The following NFATC4 variants were observed in gnomAD, a reference collection of about 807,000 sequenced individuals.
NFATC4 encodes nuclear factor of activated T-cells, cytoplasmic 4.
A neutral mutation model predicts 73.4 loss-of-function variants in NFATC4; 25 were observed. The ratio of observed to expected loss-of-function variants is 0.34; its 90% CI spans 0.25 to 0.48. The LOEUF (loss-of-function observed/expected upper bound fraction) is 0.48, where lower values mean the gene tolerates loss of function less well. Ranked by LOEUF, NFATC4 falls within the 20% of genes least tolerant of loss-of-function variation. NFATC4 has a pLI of 0.99. For missense variants in NFATC4, 1,130 were observed against 1,203.7 expected (o/e 0.94, Z 0.91); for synonymous variants, 523 against 510.3 (o/e 1.02, Z -0.34).
In NFATC4 at chr14:24,369,788, G is replaced by A; in HGVS notation, c.390G>A (p.Ala130=). 1 of 1,596,162 alleles carries A rather than the reference G, an allele frequency of 6.3e-7. No homozygotes were observed. The highest frequency in any genetic ancestry group is 2.3e-5 in the East Asian group (1 of 43,920). The change falls in exon 2 of 10, where the codon GCG becomes GCA. Residue 130 remains alanine (A), a synonymous_variant. Transcript: ENST00000250373. ...CTCCCACGCCGGAGCCGCCAGCAGCGCTGGAGGACAACCCTGATGCCTGGG... is the reference window on the plus strand; with the variant it reads ...CTCCCACGCCGGAGCCGCCAGCAGCACTGGAGGACAACCCTGATGCCTGGG... The part of the protein sequence containing the change: ...SISPTPEPPA[A]LEDNPDAWGD...
Position 24,370,141 on chromosome 14 carries a change from T to C in NFATC4, c.743T>C (p.Leu248Pro). 3 of 1,603,664 alleles carry C rather than the reference T, an allele frequency of 1.9e-6. No individual in the cohort carries two copies. Among genetic ancestry groups the C allele is most frequent in the Non-Finnish European group, 2.5e-6 (3 of 1,179,704 alleles). The change falls in exon 2 of 10, where the codon CTA becomes CCA. Residue 248 changes from leucine (L) to proline (P), a missense_variant. Leu to Pro is a moderately conservative substitution (Grantham distance 98). Coordinates refer to ENST00000250373, the MANE Select transcript of NFATC4 (RefSeq NM_004554.5). Reference protein sequence around the residue: ...PGGRGPEDSWLLLSAPGPTPA... With the variant: ...PGGRGPEDSWPLLSAPGPTPA... The stretch of plus-strand genomic sequence containing the variant: ...GGCCGAGGGCCAGAGGATAGCTGGC[T>C]ACTCCTCAGTGCTCCTGGGCCCACC...
At chr14:24,372,706 T>G (rs1185114664) in intron 3 of NFATC4, 103 bp downstream of exon 3, 20 of 1,461,352 alleles carry the variant, frequency 1.4e-5, no homozygotes, top group Non-Finnish European at 1.9e-5. Context: ...CTCTCAGCTC[T>G]GACCCTGCAG....
Position 24,376,731 on chromosome 14 carries a change from G to A in NFATC4, c.2494G>A (p.Val832Met), listed in dbSNP as rs1470171425. ...AGGCCCCTTCCCTTCCCAGAGTGAT[G>A]TGCATCCCCTACCTGCTGAGGGATA... ...LEGPFPSQSD[V>M]HPLPAEGYNK... The change falls in exon 9 of 10, where the codon GTG becomes ATG. Residue 832 changes from valine (V) to methionine (M), a missense_variant. Coordinates refer to ENST00000250373, the MANE Select transcript of NFATC4 (RefSeq NM_004554.5). The surrounding 1 kb of genome is among the most constrained non-coding windows in gnomAD (Gnocchi z 5.0). 1 of 1,613,864 alleles carries A rather than the reference G, an allele frequency of 6.2e-7. No individual in the cohort carries two copies. The highest frequency in any genetic ancestry group is 8.5e-7 in the Non-Finnish European group (1 of 1,179,992).
At position 24,376,612 on chromosome 14, in the gene NFATC4, A is replaced by G; in HGVS notation, c.2375A>G (p.Tyr792Cys). 2 of 1,613,676 alleles carry G rather than the reference A, an allele frequency of 1.2e-6. No individual in the cohort carries two copies. Among genetic ancestry groups the G allele is most frequent in the Non-Finnish European group, 1.7e-6 (2 of 1,179,870 alleles). The change falls in exon 9 of 10, where the codon TAT becomes TGT. Residue 792 changes from tyrosine to cysteine, a missense_variant. Tyr to Cys is a radical substitution (Grantham distance 194). Transcript: ENST00000250373. This position sits in a 1 kb window ranked among gnomAD's most constrained non-coding sequence, Gnocchi z 5.0. ...FLPRPFPSDP[Y>C]GGRGSSFSLG... is the part of the protein sequence containing the mutation. The stretch of plus-strand genomic sequence containing the variant: ...CCCCGCCCCTTCCCTAGTGACCCGT[A>G]TGGAGGGCGGGGCTCCTCTTTCTCC...
At position 24,373,635 on chromosome 14, in the gene NFATC4, G is replaced by T; in HGVS notation, c.1560-60G>T. ...TGGAGGGCGGGAACTTCCCTCTTTAGGGATGTATCACCATTTTGGCTTCAG... is the reference window on the plus strand; with the variant it reads ...TGGAGGGCGGGAACTTCCCTCTTTATGGATGTATCACCATTTTGGCTTCAG... On this transcript the variant is annotated intron_variant, in intron 4 of 9. Transcript: ENST00000250373. The surrounding 1 kb of genome is among the most constrained non-coding windows in gnomAD (Gnocchi z 4.7). The T allele has an allele frequency of 1.3e-6, 2 of 1,563,982 alleles. No homozygotes were observed. Among genetic ancestry groups the T allele is most frequent in the Middle Eastern group, 1.8e-4 (1 of 5,656 alleles).
In NFATC4 at chr14:24,377,778, G is replaced by A. The variant is rs2042667962; in HGVS notation, c.*73G>A. On this transcript the variant is annotated 3_prime_UTR_variant, in exon 10 of 10. Transcript: ENST00000250373. The surrounding 1 kb of genome is among the most constrained non-coding windows in gnomAD (Gnocchi z 4.2). Reference sequence around the variant, plus strand: ...CTGCCCCCTTTCCCTCCTTCCTGGAGTGGTGGCTACAGAAGCTTGGGGCCA... The same window carrying A: ...CTGCCCCCTTTCCCTCCTTCCTGGAATGGTGGCTACAGAAGCTTGGGGCCA... The A allele has an allele frequency of 1.9e-6, 3 of 1,611,428 alleles. No individual in the cohort carries two copies. The highest frequency in any genetic ancestry group is 2.2e-5 in the East Asian group (1 of 44,838).
At chr14:24,369,098 CTGGGGCTCCTGCCAGCGCCGTT>C in intron 1 of NFATC4, 2 of 1,424,650 alleles carry the variant, frequency 1.4e-6, no homozygotes, top group Non-Finnish European at 1.8e-6. Context: ...GCGATGGCAA[CTGGGGCTCCTGCCAGCGCCGTT>C]TGGGGGTTTG....
chr14:24,374,355 G>C lies in NFATC4; in HGVS notation c.1762G>C (p.Val588Leu). 2 of 1,613,636 alleles carry C rather than the reference G, an allele frequency of 1.2e-6. No homozygotes were observed. The highest frequency in any genetic ancestry group is 1.7e-6 in the Non-Finnish European group (2 of 1,179,848). ...SQRSAQELPQ[V>L]EAYSPSACSV... ...GCGCTCAGCCCAGGAGCTGCCCCAGGTGGAGGCCTACAGCCCCAGTGCCTG... is the reference window on the plus strand; with the variant it reads ...GCGCTCAGCCCAGGAGCTGCCCCAGCTGGAGGCCTACAGCCCCAGTGCCTG... Residue 588 changes from valine (V) to leucine (L), a missense_variant, in exon 6 of 10, where the codon GTG (valine) becomes CTG (leucine). This residue lies in a region of NFATC4 where 390 missense variants were observed against 408.1 expected (regional missense o/e 0.96). Coordinates refer to ENST00000250373, the MANE Select transcript of NFATC4 (RefSeq NM_004554.5).
chr14:24,366,931 C>A (rs551184328), upstream of NFATC4: 47 of 1,533,716 alleles, frequency 3.1e-5, no homozygotes, highest in Middle Eastern at 2.2e-4. Context: ...GACCTGGGGC[C>A]GTCGCTTAAC....
intron 2 of NFATC4, 144 bp downstream of exon 2, chr14:24,370,738 A>C: frequency 8.5e-7 from 1 of 1,171,744 alleles, no homozygotes; most frequent in Non-Finnish European, 1.2e-6. Flanking sequence ...GCTGCCAACT[A>C]CCTGGTTTTA....
chr14:24,374,142 C>T (rs113259023), intron 5 of NFATC4, 184 bp from the exon 6 acceptor site: 9 of 921,856 alleles, frequency 9.8e-6, no homozygotes, highest in African/African-American at 4.9e-5. Flanking sequence ...CCTCTCTCTG[C>T]TCTGGGAGCG....
At chr14:24,367,886 G>A (rs561552956), upstream of NFATC4, 10 of 1,335,482 alleles carry the variant, frequency 7.5e-6, no homozygotes, top group South Asian at 1.7e-4. Flanking sequence ...ACCTTGAACT[G>A]AGACTAGGGG....
chr14:24,367,871 C>A (rs140413698), upstream of NFATC4: 33 of 1,352,086 alleles, frequency 2.4e-5, no homozygotes, highest in African/African-American at 4.5e-4. Flanking sequence ...GCTCTCGGAC[C>A]CAGAACCTTG....
At chr14:24,367,420 G>A (rs916363727), upstream of NFATC4, 4 of 1,535,534 alleles carry the variant, frequency 2.6e-6, no homozygotes, top group Non-Finnish European at 2.6e-6. Context: ...GCTAATTCAC[G>A]GCCCCTCTGG....
upstream of NFATC4, chr14:24,367,952 C>A: frequency 8.4e-7 from 1 of 1,189,062 alleles, no homozygotes; most frequent in Non-Finnish European, 1.0e-6. Context: ...GACCAATAGG[C>A]AACATTAGTA....
rs1289987072 is a variant in NFATC4 at position 24,368,242 on chromosome 14, A to G, written c.-99A>G. The G allele has an allele frequency of 1.1e-5, 14 of 1,326,532 alleles. No homozygotes were observed. The highest frequency in any genetic ancestry group is 1.5e-5 in the African/African-American group (1 of 64,640). The allele number at this position is 1,326,532 out of a possible 1,614,324, so 82.2% of individuals were successfully genotyped here. On this transcript the variant is annotated 5_prime_UTR_variant, in exon 1 of 10. Coordinates refer to ENST00000250373, the MANE Select transcript of NFATC4 (RefSeq NM_004554.5). Reference sequence around the variant, plus strand: ...GCAGCGACGGAGGAGGGGGCTTCTCAGAGAAAGGGAGGGAGGGAGCCACCC... The same window carrying G: ...GCAGCGACGGAGGAGGGGGCTTCTCGGAGAAAGGGAGGGAGGGAGCCACCC...
chr14:24,369,065 C>G, intron 1 of NFATC4: 1 of 1,404,420 alleles, frequency 7.1e-7, no homozygotes, highest in Non-Finnish European at 9.3e-7. Flanking sequence ...GCCCTGACGC[C>G]CCCCTCCCCT....
rs765459278 is a variant in NFATC4 at position 24,372,458 on chromosome 14, C to A, written c.1214C>A (p.Pro405Gln). 1 of 1,613,758 alleles carries A rather than the reference C, an allele frequency of 6.2e-7. No individual in the cohort carries two copies. The highest frequency in any genetic ancestry group is 8.5e-7 in the Non-Finnish European group (1 of 1,180,034). Reference sequence around the variant, plus strand: ...CCACCCAGGACCTCTGCCCTACCCCCACTGGACTGGCCTCTGCCCAGCCAA... The same window carrying A: ...CCACCCAGGACCTCTGCCCTACCCCAACTGGACTGGCCTCTGCCCAGCCAA... ...SPIFRTSALP[P>Q]LDWPLPSQYE... The change falls in exon 3 of 10, where the codon CCA becomes CAA. Residue 405 changes from proline (P) to glutamine (Q), a missense_variant. This residue lies in a region of NFATC4 where 585 missense variants were observed against 574.3 expected (regional missense o/e 1.02). Transcript: ENST00000250373.
At chr14:24,375,892 G>A in intron 7 of NFATC4, 83 bp from the exon 8 acceptor site, 3 of 1,590,334 alleles carry the variant, frequency 1.9e-6, no homozygotes, top group Non-Finnish European at 2.6e-6. Context: ...GAGAAGGCTA[G>A]GAGGTGGAGT....
Sources: allele counts gnomAD v4.1 joint callset, GRCh38; gene constraint gnomAD v4.1.1; regional missense constraint gnomAD v4.1.1; non-coding constraint Gnocchi (gnomAD v3.1); transcripts MANE v1.5; gene names NCBI Gene and HGNC (gene_info 2026-07-23, HGNC 2026-07-21).